ZFPM2: variants seen among roughly 807,000 people sequenced by gnomAD.
ZFPM2 encodes zinc finger protein, FOG family member 2.
Under a neutral mutation model 98.6 loss-of-function variants are expected in ZFPM2, and 20 were observed. That is an observed-to-expected ratio of 0.20 (90% CI 0.14 to 0.29). The LOEUF is 0.29. ZFPM2 is among the 10% of genes least tolerant of loss of function. ZFPM2 has a pLI of 1.00. For missense variants in ZFPM2, 1,310 were observed against 1,388.6 expected (o/e 0.94, Z 0.90); for synonymous variants, 518 against 502.7 (o/e 1.03, Z -0.41).
intron 2 of ZFPM2, among the ~76,000 whole-genome samples, chr8:105,426,620 A>C (rs1183371707): frequency 6.6e-6 from 1 of 152,142 alleles, no homozygotes; most frequent in Non-Finnish European, 1.5e-5. Context: ...ATGCAAAATG[A>C]GAAGTAATAC....
chr8:105,332,244 C>G (rs1812247170), intron 1 of ZFPM2, among the ~76,000 whole-genome samples: 1 of 151,614 alleles, frequency 6.6e-6, no homozygotes, highest in African/African-American at 2.4e-5. Context: ...GCTCTCCAGC[C>G]CATAACTTAC....
intron 1 of ZFPM2, among the ~76,000 whole-genome samples, chr8:105,393,986 T>G (rs1204483143): frequency 4.6e-5 from 7 of 151,384 alleles, no homozygotes; most frequent in African/African-American, 1.7e-4. Context: ...CTCCGCTTCC[T>G]GGGTTCACGC....
At chr8:105,510,074 G>A (rs544118152) in intron 3 of ZFPM2, among the ~76,000 whole-genome samples, 5 of 152,192 alleles carry the variant, frequency 3.3e-5, no homozygotes, top group Non-Finnish European at 5.9e-5. Context: ...CAGTAATGGA[G>A]ATTAACCAGT....
intron 5 of ZFPM2, among the ~76,000 whole-genome samples, chr8:105,654,786 G>A (rs529100959): frequency 1.4e-4 from 22 of 152,200 alleles, no homozygotes; most frequent in African/African-American, 3.4e-4. Context: ...TTGTAGTGAC[G>A]CCTGTCAAAT....
chr8:105,732,871 A>G (rs1811974629), intron 5 of ZFPM2, among the ~76,000 whole-genome samples: 1 of 151,842 alleles, frequency 6.6e-6, no homozygotes, highest in African/African-American at 2.4e-5. Context: ...CACGTTCATT[A>G]TCTTTGATAC....
intron 2 of ZFPM2, among the ~76,000 whole-genome samples, chr8:105,426,413 A>G (rs1316701577): frequency 6.6e-6 from 1 of 152,068 alleles, no homozygotes; most frequent in Non-Finnish European, 1.5e-5. Flanking sequence ...ACACTGATGG[A>G]GCACTGATAG....
At chr8:105,379,561 C>T (rs1365964440) in intron 1 of ZFPM2, among the ~76,000 whole-genome samples, 1 of 152,124 alleles carries the variant, frequency 6.6e-6, no homozygotes, top group East Asian at 1.9e-4. Context: ...TGAGACCAGA[C>T]TGACCAACAT....
At chr8:105,489,048 T>G (rs957260260) in intron 3 of ZFPM2, among the ~76,000 whole-genome samples, 15 of 152,174 alleles carry the variant, frequency 9.9e-5, no homozygotes, top group African/African-American at 3.6e-4. Flanking sequence ...ATTCATAAGT[T>G]AATCTGAATT....
chr8:105,667,874 A>G (rs1817519310), intron 5 of ZFPM2, among the ~76,000 whole-genome samples: 1 of 152,162 alleles, frequency 6.6e-6, no homozygotes, highest in Non-Finnish European at 1.5e-5. Flanking sequence ...ATACATACAT[A>G]TTTCTTAGCT....
At chr8:105,550,411 AG>A (rs1252540758) in intron 3 of ZFPM2, among the ~76,000 whole-genome samples, 2 of 152,204 alleles carry the variant, frequency 1.3e-5, no homozygotes, top group Non-Finnish European at 2.9e-5. Flanking sequence ...TGAAAGGGTC[AG>A]AAAACCAGAA....
At chr8:105,359,815 T>C (rs185343734) in intron 1 of ZFPM2, among the ~76,000 whole-genome samples, 83 of 152,352 alleles carry the variant, frequency 5.4e-4, no homozygotes, top group Non-Finnish European at 8.4e-4. Context: ...TTGAATCCAA[T>C]TTTTTGTTTC....
At chr8:105,744,012 C>A (rs1812284872) in intron 5 of ZFPM2, among the ~76,000 whole-genome samples, 1 of 152,044 alleles carries the variant, frequency 6.6e-6, no homozygotes, top group East Asian at 1.9e-4. Flanking sequence ...CCTATGTGAT[C>A]ATTTTTAAGT....
At chr8:105,377,043 T>C (rs1810737792) in intron 1 of ZFPM2, among the ~76,000 whole-genome samples, 1 of 152,174 alleles carries the variant, frequency 6.6e-6, no homozygotes, top group Admixed American at 6.5e-5. Flanking sequence ...TGGCTCTTTC[T>C]CAGACATGCC....
At chr8:105,381,415 C>A (rs1014214755) in intron 1 of ZFPM2, among the ~76,000 whole-genome samples, 1 of 151,794 alleles carries the variant, frequency 6.6e-6, no homozygotes, top group Non-Finnish European at 1.5e-5. Context: ...TTTAAGATAC[C>A]CAATCAGAGA....
In ZFPM2 at chr8:105,679,796, T is replaced by TAA. The variant is rs34883451; in HGVS notation, c.532+45455_532+45456dup. Among the ~76,000 whole-genome samples the TAA allele has an allele frequency of 2.6e-4, 34 of 132,922 alleles. No homozygotes were observed. The South Asian group carries it at 2.6e-3, about 10-fold the overall frequency. The allele number at this position is 132,922 out of a possible 152,430, so 87.2% of individuals were successfully genotyped here. On this transcript the variant is annotated intron_variant, in intron 5 of 7. Coordinates refer to ENST00000407775, the MANE Select transcript of ZFPM2 (RefSeq NM_012082.4). ...TGGGCAACAGAGCAAGACTCTGTCT[T>TAA]AAAAAAAAAAAAAAAAAGAAAGCAA...
chr8:105,430,793 C>CT (rs1812004049), intron 2 of ZFPM2, among the ~76,000 whole-genome samples: 2 of 151,836 alleles, frequency 1.3e-5, no homozygotes, highest in African/African-American at 2.4e-5. Flanking sequence ...CTAGAATACT[C>CT]TTTTTTACCC....
chr8:105,597,170 C>G (rs1368552174), intron 4 of ZFPM2, among the ~76,000 whole-genome samples: 1 of 151,894 alleles, frequency 6.6e-6, no homozygotes, highest in African/African-American at 2.4e-5. Context: ...TGTTAGGGCC[C>G]TGTTATGCCT....
intron 2 of ZFPM2, among the ~76,000 whole-genome samples, chr8:105,428,694 T>C (rs1333253341): frequency 6.6e-6 from 1 of 152,018 alleles, no homozygotes; most frequent in Non-Finnish European, 1.5e-5. Context: ...TAGTTTGACC[T>C]CAACACAAAA....
intron 3 of ZFPM2, among the ~76,000 whole-genome samples, chr8:105,452,390 G>A (rs1000710273): frequency 1.1e-4 from 17 of 151,970 alleles, no homozygotes; most frequent in African/African-American, 2.9e-4. Context: ...AAGACACTAC[G>A]AGTCAGTAGG....
Sources: allele counts gnomAD v4.1 joint callset (sites outside exome capture counted in the v4.1 genomes callset), GRCh38; gene constraint gnomAD v4.1.1; transcripts MANE v1.5; gene names NCBI Gene and HGNC (gene_info 2026-07-23, HGNC 2026-07-21).